The following SLC4A10 variants were observed in gnomAD, a reference collection of about 807,000 sequenced individuals.
SLC4A10 encodes solute carrier family 4 member 10.
In SLC4A10, 42 loss-of-function variants were observed where a neutral mutation model predicts 137.7. The ratio of observed to expected loss-of-function variants is 0.30; its 90% CI spans 0.24 to 0.39. The LOEUF is 0.39. SLC4A10 is among the 10% of genes least tolerant of loss of function. The pLI is 1.00. For synonymous variants in SLC4A10, 474 were observed against 464.1 expected, an observed-to-expected ratio of 1.02 and a Z score of -0.27; for missense variants, 925 against 1,355.0, an observed-to-expected ratio of 0.68 and a Z score of 4.98.
intron 4 of SLC4A10, among the ~76,000 whole-genome samples, chr2:161,843,120 AACTC>A (rs1348691675): frequency 6.6e-6 from 1 of 152,210 alleles, no homozygotes. Context: ...GGGCAAGAGT[AACTC>A]ACTTATTCTT....
chr2:161,843,538 GA>G, intron 4 of SLC4A10, among the ~76,000 whole-genome samples: 1 of 152,116 alleles, frequency 6.6e-6, no homozygotes, highest in Non-Finnish European at 1.5e-5. Flanking sequence ...GAGGGTAGAT[GA>G]ATTTTAACAG....
intron 3 of SLC4A10, among the ~76,000 whole-genome samples, chr2:161,833,095 G>A (rs1638437471): frequency 6.6e-6 from 1 of 152,222 alleles, no homozygotes; most frequent in African/African-American, 2.4e-5. Context: ...CAGTGAGCAT[G>A]AGAGGAAAAT....
intron 1 of SLC4A10, among the ~76,000 whole-genome samples, chr2:161,754,433 T>C (rs985579826): frequency 2.6e-5 from 4 of 152,166 alleles, no homozygotes; most frequent in Non-Finnish European, 4.4e-5. Context: ...TAAAGGACTT[T>C]GGAAAAAACA....
At chr2:161,847,609 A>G (rs535303330) in intron 4 of SLC4A10, among the ~76,000 whole-genome samples, 1 of 152,052 alleles carries the variant, frequency 6.6e-6, no homozygotes, top group Non-Finnish European at 1.5e-5. Context: ...TTTAGCTCCC[A>G]CTTGTAAGAA....
At chr2:161,860,583 C>T (rs1225587908) in intron 5 of SLC4A10, among the ~76,000 whole-genome samples, 1 of 152,040 alleles carries the variant, frequency 6.6e-6, no homozygotes, top group Non-Finnish European at 1.5e-5. Flanking sequence ...ATGTCATATA[C>T]GTTGACAATT....
At position 161,782,937 on chromosome 2, in the gene SLC4A10, A is replaced by C. The variant is rs1318261221; in HGVS notation, c.130+11883A>C. 2.6e-5 allele frequency among the ~76,000 whole-genome samples: 4 copies of C among 151,792 alleles called. No individual in the cohort carries two copies. In the South Asian group the frequency reaches 8.3e-4, roughly 31 times the overall value. On this transcript the variant is annotated intron_variant, in intron 2 of 26. Coordinates refer to ENST00000446997, the MANE Select transcript of SLC4A10 (RefSeq NM_001178015.2). ...GGAAAGAACCAGAAGATTTATTCAA[A>C]GAAATAATAGCTAAAAACTCCCAAG...
chr2:161,670,375 T>C (rs539347962), intron 1 of SLC4A10, among the ~76,000 whole-genome samples: 35 of 152,074 alleles, frequency 2.3e-4, no homozygotes, highest in African/African-American at 8.2e-4. Flanking sequence ...GGGAGGCAAT[T>C]TCTCTTTTCC....
At chr2:161,977,903 A>T (rs756261948) in intron 26 of SLC4A10, 143 bp downstream of exon 26, 25 of 594,742 alleles carry the variant, frequency 4.2e-5, no homozygotes, top group Non-Finnish European at 6.4e-5. Flanking sequence ...CAGATCCAGT[A>T]GCAGACTGAG....
At chr2:161,703,487 A>G (rs1039190170) in intron 1 of SLC4A10, among the ~76,000 whole-genome samples, 1 of 151,714 alleles carries the variant, frequency 6.6e-6, no homozygotes, top group Non-Finnish European at 1.5e-5. Context: ...TCTCTGTATA[A>G]TGAAATTTTA....
intron 23 of SLC4A10, 36 bp from the exon 24 acceptor site, chr2:161,974,201 TGGAGACTCATCA>T: frequency 6.9e-7 from 1 of 1,443,452 alleles, no homozygotes; most frequent in Non-Finnish European, 9.4e-7. Flanking sequence ...TAATGTAAAA[TGGAGACTCATCA>T]GGTTCACTTT....
rs569349599 is a variant in SLC4A10, at chr2:161,839,702, G to A, written c.278-87G>A. 14 of 1,465,228 alleles carry A rather than the reference G, an allele frequency of 9.6e-6. No individual in the cohort carries two copies. In the African/African-American group the frequency reaches 1.7e-4, roughly 17 times the overall value. The allele number at this position is 1,465,228 out of a possible 1,614,324, so 90.8% of individuals were successfully genotyped here. On this transcript the variant is annotated intron_variant, in intron 3 of 26. Transcript: ENST00000446997. Reference sequence around the variant, plus strand: ...GAGCTTGGGGTGGTGCGAGCTTGGGGTGGTGCTGAAGGCAGTGACTGGGAC... The same window carrying A: ...GAGCTTGGGGTGGTGCGAGCTTGGGATGGTGCTGAAGGCAGTGACTGGGAC...
At chr2:161,813,772 C>T (rs1277810110) in intron 3 of SLC4A10, among the ~76,000 whole-genome samples, 8 of 152,088 alleles carry the variant, frequency 5.3e-5, no homozygotes. Flanking sequence ...TGTTTGTTCC[C>T]TGTGCCTCTT....
chr2:161,948,989 G>T (rs1056879638), intron 17 of SLC4A10, among the ~76,000 whole-genome samples, 159 bp from the exon 18 acceptor site: 6 of 151,950 alleles, frequency 3.9e-5, no homozygotes, highest in African/African-American at 1.5e-4. Context: ...ATATATTCAG[G>T]TTCTGACAGA....
intron 15 of SLC4A10, among the ~76,000 whole-genome samples, chr2:161,939,928 C>T (rs1352163497): frequency 6.6e-6 from 1 of 152,072 alleles, no homozygotes; most frequent in Non-Finnish European, 1.5e-5. Flanking sequence ...GCTCCAGTGT[C>T]ATGACATCTA....
At chr2:161,705,251 A>C in intron 1 of SLC4A10, among the ~76,000 whole-genome samples, 1 of 151,522 alleles carries the variant, frequency 6.6e-6, no homozygotes, top group East Asian at 1.9e-4. Context: ...AGGAAACAGG[A>C]ATTAGTAGGG....
At chr2:161,664,733 G>T (rs2038852892) in intron 1 of SLC4A10, among the ~76,000 whole-genome samples, 1 of 150,072 alleles carries the variant, frequency 6.7e-6, no homozygotes. Context: ...CAATTTTTAG[G>T]GTGTTGAGTT....
chr2:161,966,634 A>G (rs2105923605), intron 23 of SLC4A10, among the ~76,000 whole-genome samples: 1 of 152,082 alleles, frequency 6.6e-6, no homozygotes, highest in African/African-American at 2.4e-5. Flanking sequence ...CTGTAGTCTC[A>G]GCTACTCAGG....
At chr2:161,832,744 T>C (rs1474406619) in intron 3 of SLC4A10, among the ~76,000 whole-genome samples, 3 of 150,550 alleles carry the variant, frequency 2.0e-5, no homozygotes, top group Non-Finnish European at 4.5e-5. Context: ...TTTTGTTTTG[T>C]TTTGTTTTGT....
chr2:161,743,345 A>G (rs1347801976), intron 1 of SLC4A10, among the ~76,000 whole-genome samples: 1 of 152,200 alleles, frequency 6.6e-6, no homozygotes, highest in Non-Finnish European at 1.5e-5. Flanking sequence ...AAGAATATCC[A>G]GTTTTCCCAG....
Sources: gnomAD v4.1 joint callset for allele counts (sites outside exome capture counted in the v4.1 genomes callset) on GRCh38, gnomAD v4.1.1 for gene constraint, MANE v1.5 for transcripts, NCBI Gene and HGNC (gene_info 2026-07-23, HGNC 2026-07-21) for gene names.